The following ADGRL2 variants were observed in gnomAD, a reference collection of about 807,000 sequenced individuals.
The protein encoded by ADGRL2 is calcium-independent alpha-latrotoxin receptor 2.
In ADGRL2, 44 loss-of-function variants were observed where a neutral mutation model predicts 157.4. That is an observed-to-expected ratio of 0.28 (90% CI 0.22 to 0.36). The LOEUF (loss-of-function observed/expected upper bound fraction) is 0.36, where lower values mean the gene tolerates loss of function less well. Ranked by LOEUF, ADGRL2 falls within the 10% of genes least tolerant of loss-of-function variation. The probability of loss-of-function intolerance (pLI) is 1.00; values close to 1 mark genes in which losing one functional copy is unlikely to be tolerated. For synonymous variants in ADGRL2, 585 were observed against 624.7 expected (o/e 0.94, Z 0.95); for missense variants, 1,510 against 1,768.9 (o/e 0.85, Z 2.63).
chr1:81,865,380 T>C (rs2093510488), intron 2 of ADGRL2, among the ~76,000 whole-genome samples: 1 of 152,208 alleles, frequency 6.6e-6, no homozygotes, highest in Non-Finnish European at 1.5e-5. Flanking sequence ...CAGCTTTCAC[T>C]ACATCGAAGC....
intron 3 of ADGRL2, among the ~76,000 whole-genome samples, chr1:81,916,730 AT>A (rs1307392646): frequency 6.6e-6 from 1 of 152,044 alleles, no homozygotes; most frequent in East Asian, 1.9e-4. Context: ...TTAATTTAAT[AT>A]TTAATAAATA....
intron 2 of ADGRL2, among the ~76,000 whole-genome samples, chr1:81,872,099 A>G (rs368012161): frequency 7.2e-5 from 11 of 152,114 alleles, no homozygotes; most frequent in Non-Finnish European, 1.6e-4. Context: ...ATCTTGAATT[A>G]ATTTTTGTAT....
chr1:81,653,955 T>C (rs2082476776), intron 3 of ADGRL2, among the ~76,000 whole-genome samples: 1 of 152,128 alleles, frequency 6.6e-6, no homozygotes, highest in Non-Finnish European at 1.5e-5. Flanking sequence ...CCTTTTTTAA[T>C]TGAGACAGAG....
chr1:81,461,935 G>C (rs564297749), intron 2 of ADGRL2, among the ~76,000 whole-genome samples: 2 of 146,922 alleles, frequency 1.4e-5, no homozygotes, highest in East Asian at 4.0e-4. Context: ...AAGAAAGGGG[G>C]GGGGGGGTGG....
chr1:81,990,618 C>T lies in ADGRL2; in HGVS notation c.3883C>T (p.Leu1295=), dbSNP rs779581570. 3 of 1,614,152 alleles carry T rather than the reference C, an allele frequency of 1.9e-6. No individual in the cohort carries two copies. The highest frequency in any genetic ancestry group is 3.3e-5 in the Admixed American group (2 of 60,022). Residue 1295 remains leucine, a synonymous_variant, in exon 24 of 24, where the codon CTA becomes TTA. Transcript: ENST00000686636. The part of the protein sequence containing the change: ...SSKTHNLELT[L]PVKPVIGGSS... ...CAAGACTCACAACCTCGAGCTCACG[C>T]TACCAGTCAAACCTGTGATTGGAGG... is the stretch of plus-strand genomic sequence containing the variant.
chr1:81,598,235 A>G (rs1445415289), intron 3 of ADGRL2, among the ~76,000 whole-genome samples: 1 of 152,192 alleles, frequency 6.6e-6, no homozygotes, highest in Admixed American at 6.5e-5. Context: ...TAAGCAATTT[A>G]TCCAACCAGA....
At chr1:81,869,215 G>A (rs2093628916) in intron 2 of ADGRL2, among the ~76,000 whole-genome samples, 1 of 152,018 alleles carries the variant, frequency 6.6e-6, no homozygotes, top group African/African-American at 2.4e-5. Flanking sequence ...TAAATCACTT[G>A]GGTCCTTTTC....
intron 2 of ADGRL2, among the ~76,000 whole-genome samples, chr1:81,879,244 G>A (rs536153647): frequency 6.6e-6 from 1 of 152,112 alleles, no homozygotes; most frequent in South Asian, 2.1e-4. Context: ...AGAAACTGAA[G>A]TATGCTTAAA....
At chr1:81,421,755 A>C (rs1452066283) in intron 1 of ADGRL2, among the ~76,000 whole-genome samples, 1 of 152,162 alleles carries the variant, frequency 6.6e-6, no homozygotes, top group Non-Finnish European at 1.5e-5. Context: ...GCAAATGGAA[A>C]TCTAGAATTC....
intron 1 of ADGRL2, among the ~76,000 whole-genome samples, chr1:81,335,451 T>C (rs1661567694): frequency 6.6e-6 from 1 of 152,140 alleles, no homozygotes; most frequent in African/African-American, 2.4e-5. Flanking sequence ...ATACAAAATA[T>C]TGAAATGAAG....
At chr1:81,984,052 A>G (rs1662392601) in intron 19 of ADGRL2, among the ~76,000 whole-genome samples, 1 of 152,000 alleles carries the variant, frequency 6.6e-6, no homozygotes, top group East Asian at 1.9e-4. Flanking sequence ...TGTTTTCTTT[A>G]TTCTTGTGCC....
At chr1:81,384,415 A>G (rs1294712646) in intron 1 of ADGRL2, among the ~76,000 whole-genome samples, 1 of 152,158 alleles carries the variant, frequency 6.6e-6, no homozygotes, top group Non-Finnish European at 1.5e-5. Context: ...GAGGAAAAAA[A>G]TCTTAAAACT....
rs77128348 is a variant in ADGRL2, at chr1:81,900,692, C to T, written c.74-6325C>T. 3.0e-3 allele frequency among the ~76,000 whole-genome samples: 462 copies of T among 152,322 alleles called. 1 individual carries two copies. Among genetic ancestry groups the T allele is most frequent in the Non-Finnish European group, 4.6e-3 (314 of 68,032 alleles). On this transcript the variant is annotated intron_variant, in intron 2 of 23. Coordinates refer to ENST00000686636, the MANE Select transcript of ADGRL2 (RefSeq NM_001366006.2). ...TCTTAACTAACTGGGAAGCTAAACA[C>T]ATGTACAGAGGAGACATGAGAGGAC...
chr1:81,568,276 A>G (rs752453478), intron 2 of ADGRL2, among the ~76,000 whole-genome samples: 1 of 152,104 alleles, frequency 6.6e-6, no homozygotes, highest in Non-Finnish European at 1.5e-5. Context: ...CTCTTTTGCT[A>G]AAGTCATTAA....
At chr1:81,560,375 G>A (rs2080412096) in intron 2 of ADGRL2, among the ~76,000 whole-genome samples, 1 of 152,118 alleles carries the variant, frequency 6.6e-6, no homozygotes, top group South Asian at 2.1e-4. Context: ...GAAAACTATA[G>A]CCTCCATTTC....
chr1:81,585,564 C>T (rs2148562261), intron 3 of ADGRL2, among the ~76,000 whole-genome samples: 1 of 152,202 alleles, frequency 6.6e-6, no homozygotes, highest in East Asian at 1.9e-4. Flanking sequence ...GGTTAAAGGT[C>T]TCCTGTTCGA....
At chr1:81,722,243 A>G in intron 1 of ADGRL2, 2 of 400,774 alleles carry the variant, frequency 5.0e-6, no homozygotes, top group Non-Finnish European at 4.7e-6. Context: ...CAGTGAGCGG[A>G]GATCGCGCCA....
intron 1 of ADGRL2, among the ~76,000 whole-genome samples, chr1:81,325,660 T>C (rs1294575192): frequency 6.6e-6 from 1 of 152,220 alleles, no homozygotes; most frequent in Non-Finnish European, 1.5e-5. Context: ...TCTTCCAATA[T>C]AACTCTAAAC....
At chr1:81,321,055 T>C (rs1170604915) in intron 1 of ADGRL2, among the ~76,000 whole-genome samples, 1 of 152,234 alleles carries the variant, frequency 6.6e-6, no homozygotes, top group Admixed American at 6.5e-5. Flanking sequence ...ATCTTCTGGG[T>C]AACTTACTGT....
Sources: gnomAD v4.1 joint callset for allele counts (sites outside exome capture counted in the v4.1 genomes callset) on GRCh38, gnomAD v4.1.1 for gene constraint, MANE v1.5 for transcripts, NCBI Gene and HGNC (gene_info 2026-07-23, HGNC 2026-07-21) for gene names.